MED12L: variants seen among roughly 807,000 people sequenced by gnomAD.
The protein encoded by MED12L is mediator of RNA polymerase II transcription subunit 12-like protein.
Under a neutral mutation model 281.3 loss-of-function variants are expected in MED12L, and 60 were observed. That is an observed-to-expected ratio of 0.21 (90% CI 0.17 to 0.26). MED12L has a LOEUF of 0.26. Ranked by LOEUF, MED12L falls within the 10% of genes least tolerant of loss-of-function variation. The pLI is 1.00. For synonymous variants in MED12L, 974 were observed against 987.2 expected, an observed-to-expected ratio of 0.99 and a Z score of 0.25; for missense variants, 2,146 against 2,680.9, an observed-to-expected ratio of 0.80 and a Z score of 4.41.
chr3:151,348,638 A>G (rs1414666306), intron 16 of MED12L, among the ~76,000 whole-genome samples: 1 of 151,870 alleles, frequency 6.6e-6, no homozygotes, highest in African/African-American at 2.4e-5. Context: ...GGGGTGGGGA[A>G]TAGATAGATT....
At chr3:151,146,254 C>G (rs539680755) in intron 5 of MED12L, among the ~76,000 whole-genome samples, 1 of 152,144 alleles carries the variant, frequency 6.6e-6, no homozygotes, top group African/African-American at 2.4e-5. Flanking sequence ...GACCTTCCTG[C>G]GCCTCACTGG....
intron 10 of MED12L, 103 bp from the exon 11 acceptor site, chr3:151,165,743 T>C (rs1553819523): frequency 1.6e-6 from 2 of 1,258,016 alleles, no homozygotes; most frequent in Non-Finnish European, 2.2e-6. Flanking sequence ...GAATGATAAT[T>C]AAAAAAAAAT....
chr3:151,231,350 T>C lies in MED12L; in HGVS notation c.2250+37684T>C, dbSNP rs1056040266. 2.0e-5 allele frequency among the ~76,000 whole-genome samples: 3 copies of C among 152,296 alleles called. No individual in the cohort carries two copies. The South Asian group carries it at 6.2e-4, about 32-fold the overall frequency. ...AATAGTATCTTTCAGTCTGAAAACA[T>C]ACTCCCCCATCATTTAGAGTAATAA... On this transcript the variant is annotated intron_variant, in intron 16 of 44. Transcript: ENST00000687756.
At chr3:151,376,253 A>T (rs771624390) in intron 28 of MED12L, 39 bp downstream of exon 28, 2 of 1,330,360 alleles carry the variant, frequency 1.5e-6, no homozygotes, top group Admixed American at 2.8e-5. Context: ...CATTTGATAA[A>T]TTCTTCGTAA....
intron 27 of MED12L, among the ~76,000 whole-genome samples, chr3:151,373,594 A>G (rs1463047103): frequency 6.7e-6 from 1 of 150,004 alleles, no homozygotes; most frequent in African/African-American, 2.5e-5. Context: ...CTCTCCCTTC[A>G]TAATATCAGT....
chr3:151,334,137 A>T (rs567983180), intron 16 of MED12L, among the ~76,000 whole-genome samples: 1 of 149,646 alleles, frequency 6.7e-6, no homozygotes, highest in South Asian at 2.1e-4. Flanking sequence ...AAGCCATGTT[A>T]TATAAATATA....
At chr3:151,305,821 C>G (rs1746563182) in intron 16 of MED12L, among the ~76,000 whole-genome samples, 2 of 152,164 alleles carry the variant, frequency 1.3e-5, no homozygotes, top group African/African-American at 4.8e-5. Flanking sequence ...ATCTTCCAAA[C>G]TAGAGGTCTA....
intron 23 of MED12L, 147 bp from the exon 24 acceptor site, chr3:151,367,499 T>C (rs1295381921): frequency 2.6e-5 from 16 of 614,098 alleles, no homozygotes; most frequent in Non-Finnish European, 4.2e-5. Flanking sequence ...TAGAGGATAA[T>C]CATCATGATA....
At chr3:151,370,464 A>C (rs1219134071) in intron 26 of MED12L, among the ~76,000 whole-genome samples, 1 of 152,230 alleles carries the variant, frequency 6.6e-6, no homozygotes, top group African/African-American at 2.4e-5. Context: ...GAATTTTCAT[A>C]AAACAAGCTA....
intron 2 of MED12L, among the ~76,000 whole-genome samples, chr3:151,107,892 C>T (rs1189437480): frequency 2.6e-5 from 4 of 152,080 alleles, no homozygotes; most frequent in Admixed American, 6.5e-5. Flanking sequence ...CCATGTGACT[C>T]GCACACTTAG....
At chr3:151,247,774 CA>C (rs149547852) in intron 16 of MED12L, among the ~76,000 whole-genome samples, 68 of 142,052 alleles carry the variant, frequency 4.8e-4, no homozygotes, top group African/African-American at 8.5e-4. Flanking sequence ...AAAAAAAAAG[CA>C]AAAAAAAAAT....
rs1560106078 is a variant in MED12L, at chr3:151,160,164, A to C, written c.1107+63A>C. The C allele has an allele frequency of 2.1e-6, 3 of 1,434,750 alleles. No homozygotes were observed. In the East Asian group the frequency reaches 7.0e-5, roughly 34 times the overall value. 88.9% of individuals were successfully genotyped at this position (1,434,750 alleles called of 1,614,324 possible). A position where few individuals can be genotyped will look rare whatever the true frequency, so the allele number is the denominator to read the frequency against. On this transcript the variant is annotated intron_variant, in intron 8 of 44. Transcript: ENST00000687756. ...AATGTGGGAAGTGATTGAGTTGGGAATGGCATTTTCAATTCTCTAGTTGAC... is the reference window on the plus strand; with the variant it reads ...AATGTGGGAAGTGATTGAGTTGGGACTGGCATTTTCAATTCTCTAGTTGAC...
chr3:151,314,245 A>G (rs1465904455), intron 16 of MED12L, among the ~76,000 whole-genome samples: 1 of 152,218 alleles, frequency 6.6e-6, no homozygotes, highest in Admixed American at 6.5e-5. Context: ...TGTTTGGCCA[A>G]TAATAATATT....
chr3:151,366,400 G>C (rs190995794), intron 23 of MED12L, among the ~76,000 whole-genome samples: 38 of 152,278 alleles, frequency 2.5e-4, no homozygotes, highest in South Asian at 8.3e-4. Context: ...AGTGCAAGGC[G>C]CAGTATACAA....
At chr3:151,171,584 G>C (rs866727138) in intron 11 of MED12L, among the ~76,000 whole-genome samples, 3 of 152,170 alleles carry the variant, frequency 2.0e-5, no homozygotes, top group Non-Finnish European at 1.5e-5. Context: ...CACCCCAGAC[G>C]GGGAAACTTA....
Position 151,136,968 on chromosome 3 carries a change from C to T in MED12L, c.556+8984C>T, listed in dbSNP as rs188412534. On this transcript the variant is annotated intron_variant, in intron 5 of 44. Coordinates refer to ENST00000687756, the MANE Select transcript of MED12L (RefSeq NM_001393769.1). ...CACGAGGTCAGGAGATCAAGACCAT[C>T]CTGGCCAACATGGTGAAACCCCATC... 3.5e-3 allele frequency among the ~76,000 whole-genome samples: 537 copies of T among 152,002 alleles called. 4 individuals are homozygous for T. Among genetic ancestry groups the T allele is most frequent in the African/African-American group, 0.013 (524 of 41,458 alleles).
intron 43 of MED12L, among the ~76,000 whole-genome samples, chr3:151,421,437 G>A (rs1718239556): frequency 6.6e-6 from 1 of 151,838 alleles, no homozygotes; most frequent in East Asian, 1.9e-4. Context: ...TTTGGAGACA[G>A]TGTTGCTCTC....
intron 11 of MED12L, among the ~76,000 whole-genome samples, chr3:151,169,763 A>G (rs1339503609): frequency 1.3e-5 from 2 of 152,306 alleles, no homozygotes; most frequent in South Asian, 2.1e-4. Context: ...TCACTTCTTT[A>G]AAATATACTT....
Position 151,178,240 on chromosome 3 carries a change from CTTTGTAGTG to C in MED12L, c.1495-7085_1495-7077del, listed in dbSNP as rs571627555. ...CTGCCCCATGAAGACCTGAACCCTCCTTTGTAGTGTTTGGAATGAAGTACTTCCTTTTGG... is the reference window on the plus strand; with the variant it reads ...CTGCCCCATGAAGACCTGAACCCTCCTTTGGAATGAAGTACTTCCTTTTGG... On this transcript the variant is annotated intron_variant, in intron 11 of 44. Coordinates refer to ENST00000687756, the MANE Select transcript of MED12L (RefSeq NM_001393769.1). 2.0e-4 allele frequency among the ~76,000 whole-genome samples: 30 copies of C among 151,264 alleles called. 1 individual carries two copies. In the East Asian group the frequency reaches 5.9e-3, roughly 30 times the overall value.
Sources: gnomAD v4.1 joint callset for allele counts (sites outside exome capture counted in the v4.1 genomes callset) on GRCh38, gnomAD v4.1.1 for gene constraint, MANE v1.5 for transcripts, NCBI Gene and HGNC (gene_info 2026-07-23, HGNC 2026-07-21) for gene names.